BRCA1: variants seen among roughly 807,000 people sequenced by gnomAD.
The protein encoded by BRCA1 is breast cancer type 1 susceptibility protein.
In BRCA1, 140 loss-of-function variants were observed where a neutral mutation model predicts 173.7. That is an observed-to-expected ratio of 0.81 (90% confidence interval 0.70 to 0.93). The LOEUF (loss-of-function observed/expected upper bound fraction) is 0.93, where lower values mean the gene tolerates loss of function less well. BRCA1 is among the 40% of genes least tolerant of loss of function. The pLI, the probability that BRCA1 is intolerant of heterozygous loss-of-function variation, is 0.00. For synonymous variants in BRCA1, 662 were observed against 756.0 expected (o/e 0.88, Z 2.04); for missense variants, 1,983 against 2,172.5 (o/e 0.91, Z 1.73).
chr17:43,163,950 C>T (rs1412553450), intron 1 of BRCA1: 1 of 152,202 alleles, frequency 6.6e-6, no homozygotes, highest in East Asian at 1.9e-4. Flanking sequence ...TTAATACAGG[C>T]TGTAGAATCC....
chr17:43,168,480 A>G (rs1006391839), intron 1 of BRCA1, among the ~76,000 whole-genome samples: 1 of 152,144 alleles, frequency 6.6e-6, no homozygotes, highest in Non-Finnish European at 1.5e-5. Context: ...TCTACTAAAA[A>G]TACAAAAAAA....
chr17:43,114,266 A>T (rs1245756178), intron 3 of BRCA1, among the ~76,000 whole-genome samples: 1 of 152,158 alleles, frequency 6.6e-6, no homozygotes, highest in Non-Finnish European at 1.5e-5. Flanking sequence ...TAGTATGTTC[A>T]GCATTTGTTA....
intron 7 of BRCA1, among the ~76,000 whole-genome samples, chr17:43,098,098 C>T (rs546153705): frequency 1.3e-5 from 2 of 148,550 alleles, no homozygotes; most frequent in African/African-American, 5.0e-5. Flanking sequence ...GATCATAGCT[C>T]ACTACAGCCT....
chr17:43,119,416 G>A (rs976595022), intron 2 of BRCA1, among the ~76,000 whole-genome samples: 9 of 152,298 alleles, frequency 5.9e-5, no homozygotes, highest in Non-Finnish European at 1.0e-4. Context: ...ACTAAGTCAG[G>A]AGGCTGGGTT....
intron 1 of BRCA1, among the ~76,000 whole-genome samples, chr17:43,142,980 G>GTATATA (rs542486635): frequency 6.9e-6 from 1 of 144,076 alleles, no homozygotes; most frequent in Non-Finnish European, 1.5e-5. Context: ...ATATATGTGT[G>GTATATA]TATATATATA....
At position 43,067,688 on chromosome 17, in the gene BRCA1, A is replaced by C. The variant is rs1476854015; in HGVS notation, c.4994T>G (p.Val1665Gly). Residue 1665 changes from valine to glycine, a missense_variant, in exon 16 of 23, where the codon GTG becomes GGG. Coordinates refer to ENST00000357654, the MANE Select transcript of BRCA1 (RefSeq NM_007294.4). ...SGLTPEEFML[V>G]YKFARKHHIT... is the part of the protein sequence containing the mutation. ...GTGGTGTTTTCTGGCAAACTTGTAC[A>C]CGAGCATCTGAAATTAAATCAAATA... The C allele has an allele frequency of 1.9e-6, 3 of 1,611,392 alleles. No homozygotes were observed. Among genetic ancestry groups the C allele is most frequent in the Non-Finnish European group, 2.5e-6 (3 of 1,177,524 alleles).
At chr17:43,130,189 A>AT (rs1037789427), upstream of BRCA1, among the ~76,000 whole-genome samples, 38 of 152,220 alleles carry the variant, frequency 2.5e-4, no homozygotes, top group Admixed American at 2.1e-3. Flanking sequence ...ATTGAACTTA[A>AT]TTTTTTTAAG....
chr17:43,070,325 A>C (rs1280714394), intron 15 of BRCA1, among the ~76,000 whole-genome samples: 1 of 152,088 alleles, frequency 6.6e-6, no homozygotes. Context: ...AAATAGCCCA[A>C]GCAGAAACGA....
rs2051100090 is a variant in BRCA1, at chr17:43,049,209, T to C, written c.5333-15A>G. The stretch of plus-strand genomic sequence containing the variant: ...TTCCAGTTGATCTAAAATGGACATT[T>C]AGATGTAAAATCACTGCAGTAATCT... On this transcript the variant is annotated splice_polypyrimidine_tract_variant and intron_variant, in intron 20 of 22. Transcript: ENST00000357654. 6.2e-7 allele frequency: 1 copy of C among 1,612,430 alleles called. No homozygotes were observed. Among genetic ancestry groups the C allele is most frequent in the African/African-American group, 1.3e-5 (1 of 74,898 alleles).
chr17:43,083,997 T>C (rs966339633), intron 11 of BRCA1, among the ~76,000 whole-genome samples: 1 of 151,656 alleles, frequency 6.6e-6, no homozygotes. Flanking sequence ...CTCAAGTAGC[T>C]GGGATTACAG....
chr17:43,124,498 G>A (rs2055773603), intron 1 of BRCA1, among the ~76,000 whole-genome samples: 1 of 151,962 alleles, frequency 6.6e-6, no homozygotes, highest in South Asian at 2.1e-4. Flanking sequence ...ACCAATCAAG[G>A]CCTCCCCGCC....
At chr17:43,079,636 T>A (rs1223573855) in intron 12 of BRCA1, 51 of 851,480 alleles carry the variant, frequency 6.0e-5, no homozygotes, top group Non-Finnish European at 9.4e-5. Context: ...AGGAAAATGA[T>A]CAGAAAAAGA....
chr17:43,093,759 A>G lies in BRCA1; in HGVS notation c.1772T>C (p.Ile591Thr), dbSNP rs80356859. Residue 591 changes from isoleucine (I) to threonine (T), a missense_variant, in exon 10 of 23, where the codon ATA (isoleucine) becomes ACA (threonine). By Grantham distance (89) the Ile-to-Thr change is moderately conservative. Coordinates refer to ENST00000357654, the MANE Select transcript of BRCA1 (RefSeq NM_007294.4). ...ATTTAATTCGAGTTCCATATTGCTT[A>G]TACTGCTGCTTATAGGTTCAGCTTT... ...KTKAEPISSS[I>T]SNMELELNIH... 6 of 1,613,980 alleles carry G rather than the reference A, an allele frequency of 3.7e-6. No homozygotes were observed. The highest frequency in any genetic ancestry group is 1.6e-4 in the Middle Eastern group (1 of 6,062).
chr17:43,101,266 G>A (rs769837854), intron 6 of BRCA1, among the ~76,000 whole-genome samples: 4 of 151,458 alleles, frequency 2.6e-5, no homozygotes, highest in Admixed American at 6.6e-5. Flanking sequence ...GCGTGATCTC[G>A]GTTCACTGCA....
intron 20 of BRCA1, chr17:43,050,177 G>A (rs1261270433): frequency 2.5e-6 from 1 of 398,596 alleles, no homozygotes; most frequent in East Asian, 3.6e-5. Flanking sequence ...GGAGGCAAAG[G>A]TGGGTAGCTT....
At position 43,063,890 on chromosome 17, in the gene BRCA1, C is replaced by T. The variant is rs80357418; in HGVS notation, c.5136G>A (p.Trp1712Ter). The change falls in exon 17 of 23, where the codon TGG becomes TGA. Residue 1712 changes from tryptophan (W) to a stop codon, truncating the protein, a stop_gained. Coordinates refer to ENST00000357654, the MANE Select transcript of BRCA1 (RefSeq NM_007294.4). LOFTEE classifies it high-confidence loss of function. ...KYFLGIAGGK[W>*]VVSYFWVTQS... ...TATACTTACAGAAATAGCTAACTAC[C>T]CATTTTCCTCCCGCAATTCCTAGAA... The T allele has an allele frequency of 1.2e-6, 2 of 1,613,656 alleles. No homozygotes were observed. The highest frequency in any genetic ancestry group is 1.7e-5 in the Admixed American group (1 of 60,004).
In BRCA1 at chr17:43,082,382, GTGTT is replaced by G. The variant is rs2053036508; in HGVS notation, c.4357+18_4357+21del. On this transcript the variant is annotated intron_variant, in intron 12 of 22. Transcript: ENST00000357654. ...GGAAAGAATTTTGCTTAAGATATCA[GTGTT>G]TGGCCAACAATACACACCTTTTTCT... 1 of 1,611,500 alleles carries G rather than the reference GTGTT, an allele frequency of 6.2e-7. No homozygotes were observed. Among genetic ancestry groups the G allele is most frequent in the African/African-American group, 1.3e-5 (1 of 74,890 alleles).
At chr17:43,127,845 A>G (rs1268796575), upstream of BRCA1, among the ~76,000 whole-genome samples, 2 of 149,752 alleles carry the variant, frequency 1.3e-5, no homozygotes, top group Admixed American at 6.6e-5. Flanking sequence ...TAACACAGTG[A>G]AACCCCGACT....
In BRCA1 at chr17:43,104,083, AAAG is replaced by A. The variant is rs147856441; in HGVS notation, c.441+36_441+38del. The A allele has an allele frequency of 1.9e-3, 2,130 of 1,115,902 alleles. 17 individuals are homozygous for A. Among genetic ancestry groups the A allele is most frequent in the South Asian group, 0.011 (382 of 33,656 alleles). 69.1% of individuals were successfully genotyped at this position (1,115,902 alleles called of 1,614,324 possible). On this transcript the variant is annotated intron_variant, in intron 6 of 22. Coordinates refer to ENST00000357654, the MANE Select transcript of BRCA1 (RefSeq NM_007294.4). ...AAAAAAAAAAAAGAAAAAAAAAAGAAAAGAAGAAGAAGAAGAAGAAGAAAACAA... is the reference window on the plus strand; with the variant it reads ...AAAAAAAAAAAAGAAAAAAAAAAGAAAAGAAGAAGAAGAAGAAGAAAACAA...
Sources: allele counts gnomAD v4.1 joint callset (sites outside exome capture counted in the v4.1 genomes callset), GRCh38; gene constraint gnomAD v4.1.1; transcripts MANE v1.5; gene names NCBI Gene and HGNC (gene_info 2026-07-23, HGNC 2026-07-21).